The following ZNF718 variants were observed in gnomAD, a reference collection of about 807,000 sequenced individuals.
ZNF718 encodes the protein zinc finger protein 718.
ZNF718 carries 3 observed loss-of-function variants against 2.6 expected under a neutral mutation model. That is an observed-to-expected ratio of 1.16 (90% CI 0.53 to 3.01). The LOEUF is 3.01. Ranked by LOEUF, ZNF718 falls within the 30% of genes most tolerant of loss-of-function variation. The pLI is 0.03. For synonymous variants in ZNF718, 135 were observed against 77.9 expected, an observed-to-expected ratio of 1.73 and a Z score of -3.86; for missense variants, 468 against 230.0, an observed-to-expected ratio of 2.03 and a Z score of -6.69.
intron 3 of ZNF718, among the ~76,000 whole-genome samples, chr4:146,223 C>G (rs782534903): frequency 1.2e-4 from 18 of 151,828 alleles, no homozygotes; most frequent in Admixed American, 3.9e-4. Flanking sequence ...TATAAATTCC[C>G]TCAACTTATT....
Position 161,327 on chromosome 4 carries a change from TACTA to T in ZNF718, c.644_647del (p.Thr215AsnfsTer223), listed in dbSNP as rs1716833299. 1.3e-6 allele frequency: 1 copy of T among 780,588 alleles called. No individual in the cohort carries two copies. Among genetic ancestry groups the T allele is most frequent in the South Asian group, 1.3e-5 (1 of 74,546 alleles). The allele number at this position is 780,588 out of a possible 1,614,324, so 48.4% of individuals were successfully genotyped here. On this transcript the variant is annotated frameshift_variant, in exon 4 of 4. Coordinates refer to ENST00000510175, the MANE Select transcript of ZNF718 (RefSeq NM_001039127.6). LOFTEE classifies it low-confidence loss of function (END_TRUNC). ...AAGCCTTTAATTGGTCCTCAATTCT[TACTA>T]AACATAAGAGAATTCATGCCAGAGA... is the stretch of plus-strand genomic sequence containing the variant.
intron 3 of ZNF718, among the ~76,000 whole-genome samples, chr4:150,712 G>T (rs1484042457): frequency 2.0e-5 from 3 of 152,062 alleles, no homozygotes; most frequent in Admixed American, 6.6e-5. Flanking sequence ...ATAAACATAG[G>T]AGTGTAGATG....
chr4:141,274 G>A (rs1261190544), intron 3 of ZNF718, among the ~76,000 whole-genome samples: 5 of 152,126 alleles, frequency 3.3e-5, no homozygotes, highest in Non-Finnish European at 5.9e-5. Context: ...AAACAATGTA[G>A]TAAGGAATCA....
At chr4:151,473 T>C (rs1245646713) in intron 3 of ZNF718, among the ~76,000 whole-genome samples, 1 of 151,618 alleles carries the variant, frequency 6.6e-6, no homozygotes, top group Non-Finnish European at 1.5e-5. Context: ...TTGTTTTGTT[T>C]TGTTTTGTTT....
rs373361046 is a variant in ZNF718 at position 161,750 on chromosome 4, G to A, written c.1065G>A (p.Thr355=). 1.7e-5 allele frequency: 13 copies of A among 775,424 alleles called. No individual in the cohort carries two copies. Among genetic ancestry groups the A allele is most frequent in the Admixed American group, 5.1e-5 (3 of 58,430 alleles). 48.0% of individuals were successfully genotyped at this position (775,424 alleles called of 1,614,324 possible). Residue 355 remains threonine, a synonymous_variant, in exon 4 of 4, where the codon ACG becomes ACA. Transcript: ENST00000510175. The stretch of plus-strand genomic sequence containing the variant: ...CCTTTAATAGGTCCACAACTCTTAC[G>A]ACACATAAGAGAATCCATACTGGAG... The part of the protein sequence containing the change: ...GKSFNRSTTL[T]THKRIHTGEK...
chr4:189,628 T>G (rs955695169), intron 3 of ZNF718, among the ~76,000 whole-genome samples: 5 of 152,204 alleles, frequency 3.3e-5, no homozygotes, highest in African/African-American at 1.2e-4. Flanking sequence ...TTTTCTAGTA[T>G]AGTTTTCTGG....
rs1386185526 is a variant in ZNF718, at chr4:171,296, G to A, written c.227-29785G>A. Reference sequence around the variant, plus strand: ...GTTAGGCTACTTGGGAGTCAGGGACGCACTTGAGGAGGCACTCTGTCTGTT... The same window carrying A: ...GTTAGGCTACTTGGGAGTCAGGGACACACTTGAGGAGGCACTCTGTCTGTT... On this transcript the variant is annotated intron_variant and NMD_transcript_variant, in intron 3 of 4. Coordinates refer to the ZNF718 transcript ENST00000642529. Among the ~76,000 whole-genome samples the A allele has an allele frequency of 5.3e-5, 8 of 152,090 alleles. No individual in the cohort carries two copies. The South Asian group carries it at 6.2e-4, about 12-fold the overall frequency.
rs1246518227 is a variant in ZNF718 at position 131,153 on chromosome 4, T to C, written c.130+239T>C. Among the ~76,000 whole-genome samples the C allele has an allele frequency of 1.9e-5, 2 of 104,674 alleles. 1 individual carries two copies. Among genetic ancestry groups the C allele is most frequent in the Admixed American group, 2.1e-4 (2 of 9,694 alleles). The allele number at this position is 104,674 out of a possible 152,430, so 68.7% of individuals were successfully genotyped here. ...GGCTAGTGGTAATTCTAGAAATTAATGATATAAAATAATTGTCTTTCACAT... is the reference window on the plus strand; with the variant it reads ...GGCTAGTGGTAATTCTAGAAATTAACGATATAAAATAATTGTCTTTCACAT... On this transcript the variant is annotated intron_variant, in intron 2 of 3. Transcript: ENST00000510175.
intron 3 of ZNF718, chr4:150,029 TC>T (rs1553812261): frequency 1.3e-5 from 2 of 152,062 alleles, no homozygotes; most frequent in Admixed American, 1.3e-4. Context: ...CCCCTTTTTT[TC>T]TTCAGCTCCT....
intron 3 of ZNF718, among the ~76,000 whole-genome samples, chr4:147,589 CTA>C (rs1257251512): frequency 6.6e-6 from 1 of 151,840 alleles, no homozygotes; most frequent in African/African-American, 2.4e-5. Context: ...ATCAATATGA[CTA>C]GTGCTCAGAA....
At chr4:135,632 G>C (rs1715526811) in intron 3 of ZNF718, among the ~76,000 whole-genome samples, 1 of 146,910 alleles carries the variant, frequency 6.8e-6, no homozygotes, top group Non-Finnish European at 1.5e-5. Context: ...GTGATTTTGG[G>C]GGCCCCAAGA....
chr4:196,528 C>T (rs1717795602), intron 3 of ZNF718, among the ~76,000 whole-genome samples: 1 of 152,166 alleles, frequency 6.6e-6, no homozygotes, highest in Non-Finnish European at 1.5e-5. Flanking sequence ...TTTGAGGCTA[C>T]ACTTTCAAGA....
At chr4:143,500 TAAAC>T (rs1715905030) in intron 3 of ZNF718, among the ~76,000 whole-genome samples, 1 of 152,198 alleles carries the variant, frequency 6.6e-6, no homozygotes, top group Non-Finnish European at 1.5e-5. Context: ...GGGAAGTTTT[TAAAC>T]AAAATTCTGG....
At chr4:137,494 A>G (rs998212201) in intron 3 of ZNF718, among the ~76,000 whole-genome samples, 8 of 152,112 alleles carry the variant, frequency 5.3e-5, no homozygotes, top group African/African-American at 1.9e-4. Flanking sequence ...GTTTCAATTC[A>G]TCTACATTGT....
intron 3 of ZNF718, among the ~76,000 whole-genome samples, chr4:153,089 C>T (rs1716404225): frequency 6.6e-6 from 1 of 151,680 alleles, no homozygotes; most frequent in Admixed American, 6.6e-5. Context: ...TTTTTTATAT[C>T]AAAAGAGGTA....
intron 3 of ZNF718, among the ~76,000 whole-genome samples, chr4:134,615 T>C (rs112130911): frequency 2.0e-5 from 3 of 152,356 alleles, no homozygotes; most frequent in South Asian, 4.1e-4. Context: ...TATTTGTGTC[T>C]ACTGAAATTT....
At chr4:195,654 T>G (rs1487738910) in intron 3 of ZNF718, among the ~76,000 whole-genome samples, 1 of 152,116 alleles carries the variant, frequency 6.6e-6, no homozygotes, top group Non-Finnish European at 1.5e-5. Flanking sequence ...CCTCTAAAAG[T>G]TATTTTTTTA....
At position 161,527 on chromosome 4, in the gene ZNF718, A is replaced by G. The variant is rs782652897; in HGVS notation, c.842A>G (p.Lys281Arg). ...NLHKRIHSAQ[K>R]YYKCEECGKA... ...CATAAGAGAATTCATTCTGCACAAAAATACTACAAATGTGAAGAATGTGGT... is the reference window on the plus strand; with the variant it reads ...CATAAGAGAATTCATTCTGCACAAAGATACTACAAATGTGAAGAATGTGGT... Residue 281 changes from lysine (K) to arginine (R), a missense_variant, in exon 4 of 4, where the codon AAA (lysine) becomes AGA (arginine). Transcript: ENST00000510175. 1.3e-6 allele frequency: 1 copy of G among 780,720 alleles called. No homozygotes were observed. The highest frequency in any genetic ancestry group is 2.4e-6 in the Non-Finnish European group (1 of 417,986). The allele number at this position is 780,720 out of a possible 1,614,324, so 48.4% of individuals were successfully genotyped here.
rs1553815189 is a variant in ZNF718, at chr4:161,557, C to A, written c.872C>A (p.Ala291Asp). The A allele has an allele frequency of 1.3e-6, 1 of 780,806 alleles. No individual in the cohort carries two copies. 48.4% of individuals were successfully genotyped at this position (780,806 alleles called of 1,614,324 possible). Residue 291 changes from alanine (A) to aspartate (D), a missense_variant, in exon 4 of 4, where the codon GCC (alanine) becomes GAC (aspartate). Transcript: ENST00000510175. The part of the protein sequence containing the change: ...KYYKCEECGK[A>D]FKWSSSLNEH... ...TACAAATGTGAAGAATGTGGTAAAG[C>A]CTTTAAGTGGTCCTCATCCCTTAAT...
Sources: allele counts gnomAD v4.1 joint callset (sites outside exome capture counted in the v4.1 genomes callset), GRCh38; gene constraint gnomAD v4.1.1; transcripts MANE v1.5; gene names NCBI Gene and HGNC (gene_info 2026-07-23, HGNC 2026-07-21).